Variants in ZNF396 observed in about 807,000 individuals in gnomAD.
ZNF396 encodes zinc finger protein 396.
ZNF396 carries 14 observed loss-of-function variants against 20.5 expected under a neutral mutation model. The ratio of observed to expected loss-of-function variants is 0.68; its 90% CI spans 0.45 to 1.07. The LOEUF (loss-of-function observed/expected upper bound fraction) is 1.07, where lower values mean the gene tolerates loss of function less well. Ranked by LOEUF, ZNF396 falls within the 50% of genes least tolerant of loss-of-function variation. The probability of loss-of-function intolerance (pLI) is 0.00; values close to 1 mark genes in which losing one functional copy is unlikely to be tolerated. For missense variants in ZNF396, 347 were observed against 390.1 expected, an observed-to-expected ratio of 0.89 and a Z score of 0.93; for synonymous variants, 119 against 140.6, an observed-to-expected ratio of 0.85 and a Z score of 1.08.
intron 1 of ZNF396, 69 bp downstream of exon 1, chr18:35,377,209 C>T (rs1350131137): frequency 6.6e-6 from 1 of 152,648 alleles, no homozygotes; most frequent in Non-Finnish European, 1.5e-5. Context: ...TCCGCGTCCC[C>T]CTTCCACCAC....
chr18:35,370,636 C>T (rs2045164768), intron 3 of ZNF396, among the ~76,000 whole-genome samples: 1 of 148,940 alleles, frequency 6.7e-6, no homozygotes, highest in African/African-American at 2.5e-5. Flanking sequence ...CCTCAGTCTC[C>T]CAAGTAGCTG....
rs896768077 is a variant in ZNF396 at position 35,368,292 on chromosome 18, T to C, written c.*923A>G. Reference sequence around the variant, plus strand: ...GATTATTTTTTTCCAACACGGGAAATTAACTTGATATTAATAGTATGGAGG... The same window carrying C: ...GATTATTTTTTTCCAACACGGGAAACTAACTTGATATTAATAGTATGGAGG... On this transcript the variant is annotated 3_prime_UTR_variant, in exon 4 of 4. Transcript: ENST00000589332. The C allele has an allele frequency of 4.1e-6, 4 of 982,086 alleles. No individual in the cohort carries two copies. Among genetic ancestry groups the C allele is most frequent in the Admixed American group, 3.0e-5 (1 of 33,668 alleles). 60.8% of individuals were successfully genotyped at this position (982,086 alleles called of 1,614,324 possible).
intron 3 of ZNF396, chr18:35,372,076 T>G (rs2045189340): frequency 6.6e-6 from 1 of 152,188 alleles, no homozygotes; most frequent in Non-Finnish European, 1.5e-5. Flanking sequence ...CAAGTGATTC[T>G]GGTTCTCTCT....
At chr18:35,371,378 C>T (rs1245936992) in intron 3 of ZNF396, among the ~76,000 whole-genome samples, 1 of 152,144 alleles carries the variant, frequency 6.6e-6, no homozygotes. Context: ...TGTATTTATT[C>T]ACAAATATGG....
In ZNF396 at chr18:35,373,555, G is replaced by C. The variant is rs1598704876; in HGVS notation, c.463C>G (p.Pro155Ala). Residue 155 changes from proline to alanine, a missense_variant, in exon 3 of 4, where the codon CCT becomes GCT. By Grantham distance (27) the Pro-to-Ala change is conservative. Transcript: ENST00000589332. ...GGCAATTCCTCAGTGATTTCTGAAG[G>C]TGCTAGCTTCTCTGCAATCATGTCC... is the stretch of plus-strand genomic sequence containing the variant. ...RKDMIAEKLA[P>A]SEITEELPSS... is the part of the protein sequence containing the mutation. The C allele has an allele frequency of 1.2e-6, 2 of 1,614,136 alleles. No homozygotes were observed.
At position 35,368,769 on chromosome 18, in the gene ZNF396, T is replaced by A; in HGVS notation, c.*446A>T. On this transcript the variant is annotated 3_prime_UTR_variant, in exon 4 of 4. Transcript: ENST00000589332. The stretch of plus-strand genomic sequence containing the variant: ...CACCCAGCCAGGAATTCTTTTTGAG[T>A]GCTTTAATTTTTGGTCTTTAGAATT... 1.0e-6 allele frequency: 1 copy of A among 989,550 alleles called. No homozygotes were observed. Among genetic ancestry groups the A allele is most frequent in the Non-Finnish European group, 1.2e-6 (1 of 832,958 alleles). 61.3% of individuals were successfully genotyped at this position (989,550 alleles called of 1,614,324 possible).
Position 35,369,457 on chromosome 18 carries a change from A to G in ZNF396, c.766T>C (p.Cys256Arg), listed in dbSNP as rs557349808. The change falls in exon 4 of 4, where the codon TGT becomes CGT. Residue 256 changes from cysteine (C) to arginine (R), a missense_variant. Physicochemically the swap from Cys to Arg is radical, Grantham distance 180. Coordinates refer to ENST00000589332, the MANE Select transcript of ZNF396 (RefSeq NM_001322286.2). ...SWKKQQKCDE[C>R]GKIFSQSSAL... is the part of the protein sequence containing the mutation. ...GAGCTCTGACTAAAGATTTTGCCAC[A>G]TTCATCACATTTCTGTTGTTTTTTC... 3.1e-6 allele frequency: 5 copies of G among 1,614,236 alleles called. No homozygotes were observed. The South Asian group carries it at 4.4e-5, about 14-fold the overall frequency.
chr18:35,373,230 A>G (rs2909347), intron 3 of ZNF396: 70,514 of 526,942 alleles, frequency 0.13, 5,519 homozygotes, highest in South Asian at 0.16. Flanking sequence ...ACCCTGATGC[A>G]GATGTCAGGG....
At chr18:35,372,591 C>T (rs1034760994) in intron 3 of ZNF396, 6 of 152,202 alleles carry the variant, frequency 3.9e-5, no homozygotes, top group East Asian at 1.9e-4. Context: ...TAATCTCTGG[C>T]TCCTATTTTA....
Position 35,369,001 on chromosome 18 carries a change from A to C in ZNF396, c.*214T>G. ...ATGGAAATCTGAATTAAGCTTTGGAATTGCAAACGTCAGAATTGAGACTGC... is the reference window on the plus strand; with the variant it reads ...ATGGAAATCTGAATTAAGCTTTGGACTTGCAAACGTCAGAATTGAGACTGC... On this transcript the variant is annotated 3_prime_UTR_variant, in exon 4 of 4. Coordinates refer to ENST00000589332, the MANE Select transcript of ZNF396 (RefSeq NM_001322286.2). 1 of 1,322,066 alleles carries C rather than the reference A, an allele frequency of 7.6e-7. No individual in the cohort carries two copies. Among genetic ancestry groups the C allele is most frequent in the Non-Finnish European group, 9.6e-7 (1 of 1,041,216 alleles). The allele number at this position is 1,322,066 out of a possible 1,614,324, so 81.9% of individuals were successfully genotyped here.
rs368114618 is a variant in ZNF396 at position 35,370,657 on chromosome 18, C to T, written c.563-997G>A. 2.5e-4 allele frequency among the ~76,000 whole-genome samples: 37 copies of T among 150,066 alleles called. No individual in the cohort carries two copies. In the East Asian group the frequency reaches 6.6e-3, roughly 27 times the overall value. On this transcript the variant is annotated intron_variant, in intron 3 of 3. Coordinates refer to ENST00000589332, the MANE Select transcript of ZNF396 (RefSeq NM_001322286.2). ...TCTCCCAAGTAGCTGGGACTACAGG[C>T]GCCCGCCACTACGCCCGGCTAATTT...
chr18:35,367,712 T>C lies in ZNF396; in HGVS notation c.*1503A>G, dbSNP rs1312959040. ...GTAAAACATAGTTACTCATATCCCA[T>C]AGATAAGCCAAATAAGATATCCCAT... On this transcript the variant is annotated 3_prime_UTR_variant, in exon 4 of 4. Transcript: ENST00000589332. The C allele has an allele frequency of 6.6e-6, 1 of 152,194 alleles. No individual in the cohort carries two copies. The highest frequency in any genetic ancestry group is 2.4e-5 in the African/African-American group (1 of 41,448). The allele number at this position is 152,194 out of a possible 1,614,324, so 9.4% of individuals were successfully genotyped here.
At chr18:35,370,558 G>T (rs1442699664) in intron 3 of ZNF396, among the ~76,000 whole-genome samples, 1 of 118,908 alleles carries the variant, frequency 8.4e-6, no homozygotes, top group East Asian at 2.3e-4. Flanking sequence ...TGTCGCCCAG[G>T]CTGGAGTGCA....
chr18:35,368,743 G>A lies in ZNF396; in HGVS notation c.*472C>T, dbSNP rs1287179077. The A allele has an allele frequency of 1.6e-5, 16 of 989,264 alleles. No individual in the cohort carries two copies. Among genetic ancestry groups the A allele is most frequent in the East Asian group, 1.1e-4 (1 of 9,098 alleles). 61.3% of individuals were successfully genotyped at this position (989,264 alleles called of 1,614,324 possible). ...CTAGGATTACAGGCATGAGCCAACC[G>A]CACCCAGCCAGGAATTCTTTTTGAG... On this transcript the variant is annotated 3_prime_UTR_variant, in exon 4 of 4. Coordinates refer to ENST00000589332, the MANE Select transcript of ZNF396 (RefSeq NM_001322286.2).
At position 35,373,126 on chromosome 18, in the gene ZNF396, G is replaced by C. The variant is rs373750541; in HGVS notation, c.562+330C>G. 31 of 335,634 alleles carry C rather than the reference G, an allele frequency of 9.2e-5. No individual in the cohort carries two copies. In the South Asian group the frequency reaches 4.0e-3, roughly 43 times the overall value. 20.8% of individuals were successfully genotyped at this position (335,634 alleles called of 1,614,324 possible). On this transcript the variant is annotated intron_variant, in intron 3 of 3. Transcript: ENST00000589332. Reference sequence around the variant, plus strand: ...CAGTTATATAGGAAATGATGATGAGGATCAGTGGTCTCTGGGCTGTGTACC... The same window carrying C: ...CAGTTATATAGGAAATGATGATGAGCATCAGTGGTCTCTGGGCTGTGTACC...
At chr18:35,370,265 T>C (rs1024925828) in intron 3 of ZNF396, among the ~76,000 whole-genome samples, 2 of 152,018 alleles carry the variant, frequency 1.3e-5, no homozygotes, top group African/African-American at 4.8e-5. Flanking sequence ...GATTTTATAT[T>C]ACTGGTTGAA....
chr18:35,375,692 T>C (rs1413477720), intron 1 of ZNF396, among the ~76,000 whole-genome samples: 3 of 152,154 alleles, frequency 2.0e-5, no homozygotes, highest in Non-Finnish European at 2.9e-5. Context: ...CTTTCCTTTG[T>C]ATCATTTTAC....
rs961734638 is a variant in ZNF396 at position 35,369,266 on chromosome 18, G to A, written c.957C>T (p.Ser319=). The A allele has an allele frequency of 1.9e-6, 3 of 1,611,854 alleles. No individual in the cohort carries two copies. The highest frequency in any genetic ancestry group is 2.5e-6 in the Non-Finnish European group (3 of 1,179,264). The change falls in exon 4 of 4, where the codon AGC becomes AGT. Residue 319 remains serine (S), a synonymous_variant. Coordinates refer to ENST00000589332, the MANE Select transcript of ZNF396 (RefSeq NM_001322286.2). ...CHDCGKAFSQ[S]SNLFRHRKRH... ...TTTTCCTATGTCTAAAAAGATTTGAGCTCTGACTAAAGGCTTTGCCACAGT... is the reference window on the plus strand; with the variant it reads ...TTTTCCTATGTCTAAAAAGATTTGAACTCTGACTAAAGGCTTTGCCACAGT...
chr18:35,372,355 A>T (rs1198244575), intron 3 of ZNF396: 1 of 152,206 alleles, frequency 6.6e-6, no homozygotes, highest in Non-Finnish European at 1.5e-5. Context: ...TCTAGACTGG[A>T]GGTATTACGT....
Sources: allele counts gnomAD v4.1 joint callset (sites outside exome capture counted in the v4.1 genomes callset), GRCh38; gene constraint gnomAD v4.1.1; transcripts MANE v1.5; gene names NCBI Gene and HGNC (gene_info 2026-07-23, HGNC 2026-07-21).